The following HTR4 variants were observed in gnomAD, a reference collection of about 807,000 sequenced individuals.
HTR4 encodes 5-hydroxytryptamine (serotonin) receptor 4, G protein-coupled.
A neutral mutation model predicts 36.8 loss-of-function variants in HTR4; 16 were observed. The ratio of observed to expected loss-of-function variants is 0.43; its 90% CI spans 0.29 to 0.66. HTR4 has a LOEUF of 0.66. HTR4 is among the 30% of genes least tolerant of loss of function. The pLI is 0.13. For missense variants in HTR4, 438 were observed against 490.9 expected (o/e 0.89, Z 1.02); for synonymous variants, 189 against 185.1 (o/e 1.02, Z -0.17).
intron 2 of HTR4, among the ~76,000 whole-genome samples, chr5:148,551,890 T>C (rs1353182291): frequency 6.6e-6 from 1 of 152,090 alleles, no homozygotes; most frequent in Non-Finnish European, 1.5e-5. Context: ...AAACCCCACA[T>C]TTGAATATGG....
At chr5:148,459,769 A>G (rs1427680361) in intron 5 of HTR4, among the ~76,000 whole-genome samples, 1 of 152,206 alleles carries the variant, frequency 6.6e-6, no homozygotes, top group Non-Finnish European at 1.5e-5. Context: ...AAACAAACAA[A>G]AAAAACCACA....
At chr5:148,585,926 ACT>A (rs1761327831) in intron 2 of HTR4, among the ~76,000 whole-genome samples, 1 of 151,546 alleles carries the variant, frequency 6.6e-6, no homozygotes, top group African/African-American at 2.4e-5. Flanking sequence ...CTTTTACAAG[ACT>A]CTTACTTCTG....
chr5:148,516,534 G>A lies in HTR4; in HGVS notation c.508-6510C>T, dbSNP rs1324250276. 2.6e-5 allele frequency among the ~76,000 whole-genome samples: 4 copies of A among 151,718 alleles called. No individual in the cohort carries two copies. The Admixed American group carries it at 2.6e-4, about 10-fold the overall frequency. On this transcript the variant is annotated intron_variant, in intron 5 of 6. Coordinates refer to ENST00000377888, the MANE Select transcript of HTR4 (RefSeq NM_000870.7). ...GGGGTTTTACCATATTGGCCAGGCTGGTCTTGAACTCCTGACCTCATGATC... is the reference window on the plus strand; with the variant it reads ...GGGGTTTTACCATATTGGCCAGGCTAGTCTTGAACTCCTGACCTCATGATC...
chr5:148,649,675 GA>G (rs1239936415), intron 1 of HTR4, among the ~76,000 whole-genome samples: 6 of 152,112 alleles, frequency 3.9e-5, no homozygotes, highest in Middle Eastern at 3.2e-3. Flanking sequence ...CAATTGCTGA[GA>G]AAAAGCAAAG....
At chr5:148,492,166 C>G (rs927168322) in intron 6 of HTR4, among the ~76,000 whole-genome samples, 1 of 152,166 alleles carries the variant, frequency 6.6e-6, no homozygotes, top group African/African-American at 2.4e-5. Context: ...AGGGCTGGTA[C>G]ACAGAACCTC....
In HTR4 at chr5:148,636,437, G is replaced by A. The variant is rs185531328; in HGVS notation, c.26+552C>T. ...TTGTGCCAAATAAAGCAATCTTTTC[G>A]AAAAGAAAATCTTCCCTAGGAGTCA... On this transcript the variant is annotated intron_variant, in intron 2 of 6. Transcript: ENST00000377888. Among the ~76,000 whole-genome samples the A allele has an allele frequency of 6.7e-4, 102 of 152,074 alleles. 1 individual carries two copies. The highest frequency in any genetic ancestry group is 3.9e-4 in the Admixed American group (6 of 15,258).
In HTR4 at chr5:148,482,670, A is replaced by C; in HGVS notation, c.*533T>G. 1 of 995,366 alleles carries C rather than the reference A, an allele frequency of 1.0e-6. No homozygotes were observed. Among genetic ancestry groups the C allele is most frequent in the Non-Finnish European group, 1.2e-6 (1 of 834,918 alleles). 61.7% of individuals were successfully genotyped at this position (995,366 alleles called of 1,614,324 possible). On this transcript the variant is annotated 3_prime_UTR_variant, in exon 7 of 7. Coordinates refer to ENST00000377888, the MANE Select transcript of HTR4 (RefSeq NM_000870.7). ...GGAGAAAAGTGTGTTAGCGTCTGGC[A>C]CAGAACAGGGCGAAGAAGAGGCAGG...
intron 5 of HTR4, among the ~76,000 whole-genome samples, chr5:148,462,660 A>T (rs548157754): frequency 1.3e-5 from 2 of 152,122 alleles, no homozygotes; most frequent in African/African-American, 4.8e-5. Context: ...TTTCTGACTC[A>T]TTCTATGAGC....
intron 2 of HTR4, among the ~76,000 whole-genome samples, chr5:148,554,089 T>TG (rs2113855524): frequency 6.6e-6 from 1 of 152,190 alleles, no homozygotes; most frequent in East Asian, 1.9e-4. Context: ...TTGTTGTTGT[T>TG]TTTGAGATGG....
intron 4 of HTR4, among the ~76,000 whole-genome samples, chr5:148,544,327 C>G (rs955481388): frequency 1.2e-4 from 7 of 58,652 alleles, no homozygotes; most frequent in African/African-American, 5.4e-4. Flanking sequence ...CTCCACCTCT[C>G]TTTCTCTCTC....
intron 5 of HTR4, among the ~76,000 whole-genome samples, chr5:148,510,783 C>T (rs191122819): frequency 6.6e-6 from 1 of 152,298 alleles, no homozygotes; most frequent in East Asian, 1.9e-4. Context: ...AGGTTTGTCT[C>T]ATTTAGATAA....
At chr5:148,524,000 T>A (rs1004202485) in intron 4 of HTR4, among the ~76,000 whole-genome samples, 1 of 151,940 alleles carries the variant, frequency 6.6e-6, no homozygotes, top group Non-Finnish European at 1.5e-5. Context: ...TCCGTGTTTT[T>A]TTTTTTGAAT....
intron 5 of HTR4, among the ~76,000 whole-genome samples, chr5:148,515,272 C>A (rs1757687891): frequency 6.6e-6 from 1 of 152,138 alleles, no homozygotes; most frequent in African/African-American, 2.4e-5. Flanking sequence ...GCAAAGATCC[C>A]AAACAGCCCA....
intron 6 of HTR4, among the ~76,000 whole-genome samples, chr5:148,507,679 C>A (rs1003032821): frequency 3.3e-5 from 5 of 151,790 alleles, no homozygotes; most frequent in African/African-American, 4.8e-5. Flanking sequence ...GATTACCAGA[C>A]GCAGCAGGAT....
rs750289568 is a variant in HTR4, at chr5:148,465,821, A to G, written c.1077-14549T>C. ...AAGAAATAAATAGGCAGACACAGAC[A>G]GACTCACAACAGACAGTGACAGACT... On this transcript the variant is annotated intron_variant, in intron 5 of 5. Transcript: ENST00000521530. The G allele has an allele frequency of 1.9e-6, 3 of 1,598,116 alleles. No individual in the cohort carries two copies. The South Asian group carries it at 3.4e-5, about 18-fold the overall frequency.
intron 2 of HTR4, among the ~76,000 whole-genome samples, chr5:148,570,884 TA>T (rs1760647338): frequency 6.6e-6 from 1 of 152,034 alleles, no homozygotes; most frequent in Non-Finnish European, 1.5e-5. Context: ...CTTAGTAATT[TA>T]AAAATATTTT....
At chr5:148,476,682 G>A, downstream of HTR4, 2 of 1,590,978 alleles carry the variant, frequency 1.3e-6, no homozygotes, top group Non-Finnish European at 1.7e-6. Context: ...AAAAACCTGT[G>A]TTGGGCACTA....
chr5:148,546,465 C>G (rs576163775), intron 4 of HTR4, among the ~76,000 whole-genome samples: 1 of 152,110 alleles, frequency 6.6e-6, no homozygotes, highest in African/African-American at 2.4e-5. Context: ...TCTTAATGAC[C>G]AATTCATCCT....
chr5:148,637,316 T>C (rs1753580638), intron 1 of HTR4, among the ~76,000 whole-genome samples: 1 of 152,218 alleles, frequency 6.6e-6, no homozygotes, highest in African/African-American at 2.4e-5. Flanking sequence ...GCTCCATTTA[T>C]TGTTATTTAT....
Sources: allele counts gnomAD v4.1 joint callset (sites outside exome capture counted in the v4.1 genomes callset), GRCh38; gene constraint gnomAD v4.1.1; transcripts MANE v1.5; gene names NCBI Gene and HGNC (gene_info 2026-07-23, HGNC 2026-07-21).